SPOCK1: variants seen among roughly 807,000 people sequenced by gnomAD.
The protein encoded by SPOCK1 is testican-1.
SPOCK1 carries 23 observed loss-of-function variants against 55.3 expected under a neutral mutation model. That is an observed-to-expected ratio of 0.42 (90% confidence interval 0.30 to 0.59). The LOEUF (loss-of-function observed/expected upper bound fraction) is 0.59. SPOCK1 is among the 20% of genes least tolerant of loss of function. The pLI is 0.22. For synonymous variants in SPOCK1, 226 were observed against 221.0 expected (o/e 1.02, Z -0.20); for missense variants, 499 against 552.5 (o/e 0.90, Z 0.97).
intron 6 of SPOCK1, among the ~76,000 whole-genome samples, chr5:137,043,976 G>A (rs1193893669): frequency 6.6e-6 from 1 of 152,180 alleles, no homozygotes; most frequent in Non-Finnish European, 1.5e-5. Context: ...AGAAACATGG[G>A]TGCAGGGTAT....
chr5:137,000,166 G>A (rs959288014), intron 6 of SPOCK1, among the ~76,000 whole-genome samples: 1 of 152,158 alleles, frequency 6.6e-6, no homozygotes, highest in Non-Finnish European at 1.5e-5. Flanking sequence ...TCTCAGAAAT[G>A]GAGACCTGAT....
At chr5:137,024,321 G>GGT (rs372406544) in intron 6 of SPOCK1, among the ~76,000 whole-genome samples, 9 of 146,770 alleles carry the variant, frequency 6.1e-5, no homozygotes, top group South Asian at 2.3e-4. Context: ...TGAAGGGGGG[G>GGT]GGGTAGTTAC....
chr5:137,179,253 C>T (rs1195868917), intron 3 of SPOCK1, among the ~76,000 whole-genome samples: 1 of 152,170 alleles, frequency 6.6e-6, no homozygotes, highest in Non-Finnish European at 1.5e-5. Context: ...AAATATCTGT[C>T]CCCTTCTCCC....
chr5:136,998,188 C>T (rs573568144), intron 6 of SPOCK1, among the ~76,000 whole-genome samples: 1 of 152,182 alleles, frequency 6.6e-6, no homozygotes, highest in South Asian at 2.1e-4. Flanking sequence ...GTTTTTTAAG[C>T]CTGAGGAGAT....
intron 2 of SPOCK1, among the ~76,000 whole-genome samples, chr5:137,300,674 C>A (rs1036245535): frequency 7.0e-6 from 1 of 143,194 alleles, no homozygotes; most frequent in African/African-American, 2.6e-5. Context: ...CCGCCAATAA[C>A]TTGGGTAGAG....
Position 137,238,363 on chromosome 5 carries a change from T to C in SPOCK1, c.232+28647A>G, listed in dbSNP as rs185669835. Among the ~76,000 whole-genome samples the C allele has an allele frequency of 2.0e-5, 3 of 152,358 alleles. No individual in the cohort carries two copies. In the East Asian group the frequency reaches 5.8e-4, roughly 29 times the overall value. On this transcript the variant is annotated intron_variant, in intron 3 of 10. Transcript: ENST00000394945. Reference sequence around the variant, plus strand: ...CTTGAAACCACTTGTTCCTTTATGCTAAACATGCTCCTTACAATCTTGCTC... The same window carrying C: ...CTTGAAACCACTTGTTCCTTTATGCCAAACATGCTCCTTACAATCTTGCTC...
chr5:137,062,275 T>G (rs2127003358), intron 6 of SPOCK1, among the ~76,000 whole-genome samples: 1 of 152,170 alleles, frequency 6.6e-6, no homozygotes, highest in East Asian at 1.9e-4. Flanking sequence ...TCCAAAATCC[T>G]ACAACCCTGC....
intron 6 of SPOCK1, among the ~76,000 whole-genome samples, chr5:137,003,036 C>T (rs1236886864): frequency 6.6e-6 from 1 of 152,172 alleles, no homozygotes; most frequent in Non-Finnish European, 1.5e-5. Context: ...GAGGAGCCCA[C>T]TTTGAATAAA....
intron 3 of SPOCK1, among the ~76,000 whole-genome samples, chr5:137,171,477 C>T (rs544415321): frequency 1.3e-5 from 2 of 152,280 alleles, no homozygotes; most frequent in South Asian, 2.1e-4. Context: ...GCCAGCCACG[C>T]TACCAATGTG....
intron 3 of SPOCK1, among the ~76,000 whole-genome samples, chr5:137,259,613 A>G (rs185804829): frequency 1.9e-4 from 29 of 151,814 alleles, no homozygotes; most frequent in African/African-American, 5.8e-4. Context: ...CATTCTGCAC[A>G]TGTGCCCCAG....
At chr5:137,383,000 A>G (rs1024001671) in intron 2 of SPOCK1, among the ~76,000 whole-genome samples, 3 of 152,148 alleles carry the variant, frequency 2.0e-5, no homozygotes, top group Non-Finnish European at 4.4e-5. Flanking sequence ...AGCCAGCACC[A>G]AGCAGCCCCC....
intron 2 of SPOCK1, among the ~76,000 whole-genome samples, chr5:137,404,706 C>A (rs763654204): frequency 1.3e-5 from 2 of 151,900 alleles, no homozygotes; most frequent in African/African-American, 4.8e-5. Flanking sequence ...GGGGAGCCAC[C>A]GCACCTGGCC....
At chr5:137,260,872 A>G (rs890804160) in intron 3 of SPOCK1, among the ~76,000 whole-genome samples, 1 of 152,236 alleles carries the variant, frequency 6.6e-6, no homozygotes, top group African/African-American at 2.4e-5. Context: ...GGAACAGGCT[A>G]ATTAGGCTGG....
In SPOCK1 at chr5:137,072,983, A is replaced by C. The variant is rs114679403; in HGVS notation, c.475-5154T>G. Reference sequence around the variant, plus strand: ...TGCTGACTGCACCAGTCAGATGCCAACATGCTGTTCCTGGCTGACGGGAGA... The same window carrying C: ...TGCTGACTGCACCAGTCAGATGCCACCATGCTGTTCCTGGCTGACGGGAGA... On this transcript the variant is annotated intron_variant, in intron 5 of 10. Transcript: ENST00000394945. Among the ~76,000 whole-genome samples, 720 of 152,342 alleles carry C rather than the reference A, an allele frequency of 4.7e-3. 4 individuals carry two copies. The highest frequency in any genetic ancestry group is 0.017 in the African/African-American group (697 of 41,566).
chr5:137,229,773 C>T (rs1756013974), intron 3 of SPOCK1, among the ~76,000 whole-genome samples: 1 of 152,084 alleles, frequency 6.6e-6, no homozygotes, highest in African/African-American at 2.4e-5. Flanking sequence ...GAAACTGTTC[C>T]ACCTCAAATC....
chr5:137,299,398 CT>C (rs1345830799), intron 2 of SPOCK1, among the ~76,000 whole-genome samples: 1 of 151,880 alleles, frequency 6.6e-6, no homozygotes, highest in Non-Finnish European at 1.5e-5. Context: ...AAATTACTGT[CT>C]TTTAAATAAA....
At chr5:137,269,712 C>G (rs1756922739) in intron 2 of SPOCK1, among the ~76,000 whole-genome samples, 1 of 151,980 alleles carries the variant, frequency 6.6e-6, no homozygotes, top group South Asian at 2.1e-4. Context: ...TGGAGAAAGC[C>G]AAAGATAAAA....
intron 6 of SPOCK1, among the ~76,000 whole-genome samples, chr5:137,058,326 A>C (rs1437844085): frequency 6.6e-6 from 1 of 152,198 alleles, no homozygotes; most frequent in African/African-American, 2.4e-5. Context: ...ACAGATCCAA[A>C]TCTCAAATTT....
intron 2 of SPOCK1, among the ~76,000 whole-genome samples, chr5:137,484,007 C>T (rs563538804): frequency 1.3e-5 from 2 of 152,330 alleles, no homozygotes; most frequent in East Asian, 3.9e-4. Flanking sequence ...AAGTAGATGT[C>T]TTGAACACAA....
Sources: allele counts gnomAD v4.1 joint callset (sites outside exome capture counted in the v4.1 genomes callset), GRCh38; gene constraint gnomAD v4.1.1; transcripts MANE v1.5; gene names NCBI Gene and HGNC (gene_info 2026-07-23, HGNC 2026-07-21).